Variants in LHFPL1 observed in about 807,000 individuals in gnomAD.
LHFPL1 encodes the protein LHFPL tetraspan subfamily member 1 protein.
In LHFPL1, 4 loss-of-function variants were observed where a neutral mutation model predicts 12.1. That is an observed-to-expected ratio of 0.33 (90% CI 0.16 to 0.76). The LOEUF (loss-of-function observed/expected upper bound fraction) is 0.76. LHFPL1 is among the 30% of genes least tolerant of loss of function. The pLI is 0.61. For missense variants in LHFPL1, 141 were observed against 174.1 expected (o/e 0.81, Z 1.07); for synonymous variants, 52 against 61.9 (o/e 0.84, Z 0.75).
chrX:112,635,095 G>A (rs1930301008), intron 3 of LHFPL1, among the ~76,000 whole-genome samples: 1 of 112,138 alleles, frequency 8.9e-6, no homozygotes, highest in African/African-American at 3.2e-5. Context: ...CTATGGAAGG[G>A]TGCAAAAGTA....
intron 3 of LHFPL1, among the ~76,000 whole-genome samples, chrX:112,643,240 G>A (rs765946317): frequency 1.8e-5 from 2 of 108,393 alleles, no homozygotes; most frequent in South Asian, 8.3e-4. Context: ...TTAGCCGGGC[G>A]TGGTGGTGCA....
At chrX:112,642,940 T>C (rs771229872) in intron 3 of LHFPL1, among the ~76,000 whole-genome samples, 1 of 110,835 alleles carries the variant, frequency 9.0e-6, no homozygotes, top group South Asian at 3.9e-4. Flanking sequence ...TAATCTGTTA[T>C]GCCTTGTACC....
At chrX:112,647,764 G>A (rs1302630560) in intron 3 of LHFPL1, among the ~76,000 whole-genome samples, 1 of 111,992 alleles carries the variant, frequency 8.9e-6, no homozygotes, top group Non-Finnish European at 1.9e-5. Context: ...AAGACAGTTT[G>A]GCAATTCCTC....
intron 1 of LHFPL1, among the ~76,000 whole-genome samples, chrX:112,679,274 G>T (rs1315993156): frequency 8.9e-6 from 1 of 111,882 alleles, no homozygotes. Flanking sequence ...TCTGGAAATT[G>T]TCATGCCTTG....
intron 3 of LHFPL1, among the ~76,000 whole-genome samples, chrX:112,644,670 G>A (rs1930635634): frequency 9.0e-6 from 1 of 111,132 alleles, no homozygotes; most frequent in South Asian, 3.9e-4. Flanking sequence ...GGAAACTAAG[G>A]GTCAGAGTGC....
intron 2 of LHFPL1, among the ~76,000 whole-genome samples, chrX:112,665,261 G>A (rs1050174352): frequency 9.4e-6 from 1 of 105,836 alleles, no homozygotes. Flanking sequence ...CACGATCTCC[G>A]CTCACTGCAA....
At chrX:112,657,176 T>C (rs1463651749) in intron 3 of LHFPL1, among the ~76,000 whole-genome samples, 3 of 112,413 alleles carry the variant, frequency 2.7e-5, no homozygotes, top group Non-Finnish European at 3.8e-5. Context: ...TCTGTGTTAA[T>C]AGGCCTGCTT....
At chrX:112,666,124 CCTA>C (rs1433077759) in intron 2 of LHFPL1, among the ~76,000 whole-genome samples, 9 of 112,100 alleles carry the variant, frequency 8.0e-5, no homozygotes, top group Admixed American at 5.7e-4. Flanking sequence ...AGCTGCCAAT[CCTA>C]CTTTCCAAAC....
chrX:112,654,309 T>A (rs1162132965), intron 3 of LHFPL1, among the ~76,000 whole-genome samples: 2 of 111,627 alleles, frequency 1.8e-5, no homozygotes, highest in Admixed American at 9.6e-5. Context: ...AAGCAGGCAC[T>A]GGGGAGATAG....
Position 112,660,708 on chromosome X carries a change from C to G in LHFPL1, c.400G>C (p.Gly134Arg). ...CATCCTAAAGGGTATAAGGCACAGC[C>G]TGAGCTTATCAGCAGCCCTAGAAAG... ...QFVGGLLISS[G>R]CALYPLGWNS... Residue 134 changes from glycine (G) to arginine (R), a missense_variant, in exon 3 of 4, where the codon GGC becomes CGC. Physicochemically the swap from Gly to Arg is moderately radical, Grantham distance 125. Coordinates refer to ENST00000371968, the MANE Select transcript of LHFPL1 (RefSeq NM_178175.4). 1 of 1,199,645 alleles carries G rather than the reference C, an allele frequency of 8.3e-7. No homozygotes were observed. The highest frequency in any genetic ancestry group is 3.0e-5 in the East Asian group (1 of 33,728).
intron 2 of LHFPL1, chrX:112,661,858 G>A (rs1355359962): frequency 1.8e-5 from 2 of 112,440 alleles, no homozygotes; most frequent in Admixed American, 1.9e-4. Context: ...CCAGAAGGTA[G>A]AATCAAGTCT....
At chrX:112,633,511 T>C (rs1279022072) in intron 3 of LHFPL1, among the ~76,000 whole-genome samples, 1 of 112,206 alleles carries the variant, frequency 8.9e-6, no homozygotes. Context: ...ACATAATCAT[T>C]AATTCTTCAG....
rs140811030 is a variant in LHFPL1, at chrX:112,651,493, C to T, written c.481+9134G>A. On this transcript the variant is annotated intron_variant, in intron 3 of 3. Transcript: ENST00000371968. The stretch of plus-strand genomic sequence containing the variant: ...GCTCCAGACTGCTTGCTTGACATCT[C>T]CACTTGGATTTCTCACACAGGTATC... Among the ~76,000 whole-genome samples, 117 of 111,509 alleles carry T rather than the reference C, an allele frequency of 1.0e-3. 1 individual carries two copies. The East Asian group carries it at 0.013, about 12-fold the overall frequency.
At chrX:112,674,865 G>A (rs1931613023) in intron 1 of LHFPL1, among the ~76,000 whole-genome samples, 1 of 112,067 alleles carries the variant, frequency 8.9e-6, no homozygotes, top group Non-Finnish European at 1.9e-5. Flanking sequence ...AGCCACTATA[G>A]AAAACAGTGT....
At chrX:112,639,399 G>A (rs780486392) in intron 3 of LHFPL1, among the ~76,000 whole-genome samples, 1 of 111,574 alleles carries the variant, frequency 9.0e-6, no homozygotes, top group African/African-American at 3.3e-5. Flanking sequence ...TGACTTTTTG[G>A]TCCAGTCAGG....
At chrX:112,653,771 A>G (rs1347694785) in intron 3 of LHFPL1, among the ~76,000 whole-genome samples, 1 of 112,616 alleles carries the variant, frequency 8.9e-6, no homozygotes, top group Non-Finnish European at 1.9e-5. Context: ...CTGAAATCAA[A>G]GTAGACTTAA....
At position 112,674,698 on chromosome X, in the gene LHFPL1, C is replaced by T. The variant is rs183434152; in HGVS notation, c.-14-3294G>A. 1.3e-3 allele frequency among the ~76,000 whole-genome samples: 143 copies of T among 112,169 alleles called. 1 individual carries two copies. The highest frequency in any genetic ancestry group is 2.8e-3 in the Admixed American group (30 of 10,649). On this transcript the variant is annotated intron_variant, in intron 1 of 3. Coordinates refer to ENST00000371968, the MANE Select transcript of LHFPL1 (RefSeq NM_178175.4). ...ATATATGAAAAAATGCTCAACATCACTAATGATCAGGGAAATGCAAATCAA... is the reference window on the plus strand; with the variant it reads ...ATATATGAAAAAATGCTCAACATCATTAATGATCAGGGAAATGCAAATCAA...
At chrX:112,665,794 C>CT (rs202097646) in intron 2 of LHFPL1, among the ~76,000 whole-genome samples, 4,573 of 111,848 alleles carry the variant, frequency 0.041, 237 homozygotes, top group African/African-American at 0.14. Flanking sequence ...CTTGTGGAAA[C>CT]TGGGACACCA....
intron 3 of LHFPL1, among the ~76,000 whole-genome samples, chrX:112,646,958 T>C (rs772550646): frequency 8.9e-6 from 1 of 112,008 alleles, no homozygotes; most frequent in African/African-American, 3.2e-5. Context: ...ATTCTGCCTT[T>C]AATTTGCTGT....
Sources: allele counts gnomAD v4.1 joint callset (sites outside exome capture counted in the v4.1 genomes callset), GRCh38; gene constraint gnomAD v4.1.1; transcripts MANE v1.5; gene names NCBI Gene and HGNC (gene_info 2026-07-23, HGNC 2026-07-21).